The following NYNRIN variants were observed in gnomAD, a reference collection of about 807,000 sequenced individuals.
The protein encoded by NYNRIN is NYN domain and retroviral integrase containing, also known as protein NYNRIN.
NYNRIN carries 86 observed loss-of-function variants against 146.6 expected under a neutral mutation model. The ratio of observed to expected loss-of-function variants is 0.59; its 90% confidence interval spans 0.49 to 0.70. The LOEUF (loss-of-function observed/expected upper bound fraction) is 0.70, where lower values mean the gene tolerates loss of function less well. Among genes scored for constraint, NYNRIN ranks in the 30% least tolerant of loss-of-function variants. The pLI is 0.00. For synonymous variants in NYNRIN, 1,027 were observed against 1,001.3 expected, an observed-to-expected ratio of 1.03 and a Z score of -0.48; for missense variants, 2,191 against 2,377.7, an observed-to-expected ratio of 0.92 and a Z score of 1.63.
At chr14:24,399,717 C>A (rs193121274) in intron 2 of NYNRIN, among the ~76,000 whole-genome samples, 2 of 152,274 alleles carry the variant, frequency 1.3e-5, no homozygotes, top group East Asian at 3.9e-4. Flanking sequence ...AGCACCTCCT[C>A]GGTGTGTGTC....
chr14:24,403,867 A>T (rs2042860270), intron 2 of NYNRIN, among the ~76,000 whole-genome samples: 1 of 152,216 alleles, frequency 6.6e-6, no homozygotes, highest in Admixed American at 6.5e-5. Flanking sequence ...AGCTTGGCTG[A>T]TATTGAATTA....
At position 24,407,070 on chromosome 14, in the gene NYNRIN, G is replaced by A. The variant is rs535825902; in HGVS notation, c.199-799G>A. Reference sequence around the variant, plus strand: ...CTGGGCAACAGAGTTACTATGATTAGGGGTACAGGTTGTGCTAGAGGCATT... The same window carrying A: ...CTGGGCAACAGAGTTACTATGATTAAGGGTACAGGTTGTGCTAGAGGCATT... On this transcript the variant is annotated intron_variant, in intron 2 of 8. Transcript: ENST00000382554. Among the ~76,000 whole-genome samples, 4 of 152,300 alleles carry A rather than the reference G, an allele frequency of 2.6e-5. No homozygotes were observed. In the East Asian group the frequency reaches 7.7e-4, roughly 29 times the overall value.
At chr14:24,399,586 C>T (rs2042828049) in intron 2 of NYNRIN, 142 bp downstream of exon 2, 1 of 712,286 alleles carries the variant, frequency 1.4e-6, no homozygotes, top group South Asian at 1.9e-5. Flanking sequence ...GGTAGTGGGC[C>T]ATCCTCCTGC....
In NYNRIN at chr14:24,409,009, A is replaced by G. The variant is rs371375368; in HGVS notation, c.1215A>G (p.Pro405=). 87 of 1,613,510 alleles carry G rather than the reference A, an allele frequency of 5.4e-5. No individual in the cohort carries two copies. In the African/African-American group the frequency reaches 8.8e-4, roughly 16 times the overall value. Residue 405 remains proline (P), a synonymous_variant, in exon 4 of 9, where the codon CCA becomes CCG. Coordinates refer to ENST00000382554, the MANE Select transcript of NYNRIN (RefSeq NM_025081.3). ...RPLGPIQLKL[P]GQNPLPLNLE... is the part of the protein sequence containing the mutation. ...TGGGCCCCATTCAGTTGAAGCTGCCAGGGCAGAATCCTTTGCCCTTAAATC... is the reference window on the plus strand; with the variant it reads ...TGGGCCCCATTCAGTTGAAGCTGCCGGGGCAGAATCCTTTGCCCTTAAATC...
At position 24,405,024 on chromosome 14, in the gene NYNRIN, GTGTGAGAGAA is replaced by G. The variant is rs1347172077; in HGVS notation, c.199-2840_199-2831del. ...TGTGTGTGTGTGTGTGTGTGTGTGT[GTGTGAGAGAA>G]TGTGTGTGTGTGAATGTGTGTGAAT... On this transcript the variant is annotated intron_variant, in intron 2 of 8. Transcript: ENST00000382554. Among the ~76,000 whole-genome samples the G allele has an allele frequency of 1.9e-3, 10 of 5,190 alleles. No homozygotes were observed. The Admixed American group carries it at 0.022, about 11-fold the overall frequency. 3.4% of individuals were successfully genotyped at this position (5,190 alleles called of 152,430 possible).
Position 24,408,390 on chromosome 14 carries a change from T to C in NYNRIN, c.720T>C (p.Ser240=). ...CAGCCATGGTGTCCGTGGGAGAGAG[T>C]CCTGGACCCTTTGTGGACATGGGGA... The part of the protein sequence containing the change: ...EAPAMVSVGE[S]PGPFVDMGTL... Residue 240 remains serine, a synonymous_variant, in exon 3 of 9, where the codon AGT becomes AGC. Transcript: ENST00000382554. 1 of 1,613,304 alleles carries C rather than the reference T, an allele frequency of 6.2e-7. No homozygotes were observed. Among genetic ancestry groups the C allele is most frequent in the Non-Finnish European group, 8.5e-7 (1 of 1,179,730 alleles).
At chr14:24,401,905 T>C (rs1440183963) in intron 2 of NYNRIN, among the ~76,000 whole-genome samples, 2 of 152,172 alleles carry the variant, frequency 1.3e-5, no homozygotes, top group Admixed American at 6.6e-5. Context: ...GTGGTTCTCA[T>C]AGGGAGGCAG....
Position 24,417,456 on chromosome 14 carries a change from G to A in NYNRIN, c.*10G>A, listed in dbSNP as rs1218946007. ...GGTCTTGGAGCAGTGAGCGGGAGCA[G>A]CGGGGGTGCCCCCTGCCCCAGGGCC... On this transcript the variant is annotated 3_prime_UTR_variant, in exon 9 of 9. Coordinates refer to ENST00000382554, the MANE Select transcript of NYNRIN (RefSeq NM_025081.3). The A allele has an allele frequency of 2.7e-6, 4 of 1,460,622 alleles. No individual in the cohort carries two copies. The highest frequency in any genetic ancestry group is 2.5e-5 in the Admixed American group (1 of 39,566). 90.5% of individuals were successfully genotyped at this position (1,460,622 alleles called of 1,614,324 possible). A position where few individuals can be genotyped will look rare whatever the true frequency, so the allele number is the denominator to read the frequency against.
At chr14:24,399,751 G>A (rs1158455411) in intron 2 of NYNRIN, among the ~76,000 whole-genome samples, 1 of 152,002 alleles carries the variant, frequency 6.6e-6, no homozygotes, top group African/African-American at 2.4e-5. Flanking sequence ...CCCTGGCCAG[G>A]GCCCCAGCAT....
At chr14:24,400,785 C>CTT (rs376993405) in intron 2 of NYNRIN, among the ~76,000 whole-genome samples, 6 of 136,312 alleles carry the variant, frequency 4.4e-5, no homozygotes, top group Admixed American at 1.5e-4. Flanking sequence ...CTTTCTTTTT[C>CTT]TTTTTTTTTT....
chr14:24,411,050 T>A lies in NYNRIN; in HGVS notation c.2415-26T>A, dbSNP rs748488290. On this transcript the variant is annotated intron_variant, in intron 4 of 8. Coordinates refer to ENST00000382554, the MANE Select transcript of NYNRIN (RefSeq NM_025081.3). This position sits in a 1 kb window ranked among gnomAD's most constrained non-coding sequence, Gnocchi z 4.3. ...CTGAGGGAGGAGTGGTGAGGCAGGG[T>A]CTTTCCTTGTCCCACGACCCCACAG... is the stretch of plus-strand genomic sequence containing the variant. The A allele has an allele frequency of 6.2e-7, 1 of 1,612,456 alleles. No individual in the cohort carries two copies. Among genetic ancestry groups the A allele is most frequent in the Non-Finnish European group, 8.5e-7 (1 of 1,179,580 alleles).
At position 24,412,990 on chromosome 14, in the gene NYNRIN, C is replaced by G; in HGVS notation, c.2643-7C>G. 6.3e-7 allele frequency: 1 copy of G among 1,581,680 alleles called. No homozygotes were observed. The highest frequency in any genetic ancestry group is 8.6e-7 in the Non-Finnish European group (1 of 1,161,712). On this transcript the variant is annotated splice_polypyrimidine_tract_variant and splice_region_variant and intron_variant, in intron 6 of 8. Transcript: ENST00000382554. ...TGGGTCATTAGTGACTTCCCCTCTCCCTGCAGGTTCATGGTAAAGCTGGCA... is the reference window on the plus strand; with the variant it reads ...TGGGTCATTAGTGACTTCCCCTCTCGCTGCAGGTTCATGGTAAAGCTGGCA...
In NYNRIN at chr14:24,414,958, A is replaced by C; in HGVS notation, c.3209A>C (p.Asp1070Ala). Reference sequence around the variant, plus strand: ...TCTCCCTACCTGGGCATCCCCTGGGATGGAAAGGCTCCCTGCCAGCAGGTT... The same window carrying C: ...TCTCCCTACCTGGGCATCCCCTGGGCTGGAAAGGCTCCCTGCCAGCAGGTT... The part of the protein sequence containing the change: ...AASPYLGIPW[D>A]GKAPCQQVLA... The change falls in exon 9 of 9, where the codon GAT becomes GCT. Residue 1070 changes from aspartate to alanine, a missense_variant. By Grantham distance (126) the Asp-to-Ala change is moderately radical. Transcript: ENST00000382554. The C allele has an allele frequency of 6.3e-7, 1 of 1,595,524 alleles. No homozygotes were observed. Among genetic ancestry groups the C allele is most frequent in the Non-Finnish European group, 8.6e-7 (1 of 1,166,684 alleles).
intron 8 of NYNRIN, among the ~76,000 whole-genome samples, chr14:24,414,255 C>A (rs4982910): frequency 0.13 from 19,516 of 152,246 alleles, 1,351 homozygotes; most frequent in Middle Eastern, 0.16. Context: ...CACTGCCCCC[C>A]CTTTTCCAGG....
Position 24,408,943 on chromosome 14 carries a change from G to A in NYNRIN, c.1149G>A (p.Leu383=), listed in dbSNP as rs1373691264. ...ATTCTCTACATCTGGCCTGGCTCCT[G>A]TCCCAGGCGTGCTTCAATTTCCCCT... ...ELHSLHLAWL[L]SQACFNFPFW... is the part of the protein sequence containing the mutation. The change falls in exon 4 of 9, where the codon CTG becomes CTA. Residue 383 remains leucine, a synonymous_variant. Transcript: ENST00000382554. 6.2e-7 allele frequency: 1 copy of A among 1,613,848 alleles called. No homozygotes were observed. The highest frequency in any genetic ancestry group is 8.5e-7 in the Non-Finnish European group (1 of 1,179,886).
Position 24,416,092 on chromosome 14 carries a change from G to T in NYNRIN, c.4343G>T (p.Gly1448Val). 1 of 1,613,994 alleles carries T rather than the reference G, an allele frequency of 6.2e-7. No homozygotes were observed. The highest frequency in any genetic ancestry group is 8.5e-7 in the Non-Finnish European group (1 of 1,179,878). ...AVTVDTLAKQGAQGGGQWWSL... is the reference protein window; with the variant it reads ...AVTVDTLAKQVAQGGGQWWSL... ...ACAGTGGACACCCTGGCCAAGCAGG[G>T]TGCCCAGGGGGGTGGGCAGTGGTGG... The change falls in exon 9 of 9, where the codon GGT (glycine) becomes GTT (valine). Residue 1448 changes from glycine to valine, a missense_variant. By Grantham distance (109) the Gly-to-Val change is moderately radical. Coordinates refer to ENST00000382554, the MANE Select transcript of NYNRIN (RefSeq NM_025081.3).
rs986470263 is a variant in NYNRIN at position 24,411,338 on chromosome 14, T to C, written c.2546-16T>C. ...CCCTCCCTTGACCATTTCTGTCTTC[T>C]GCCTTTCACCCCCAGAGAGCCACTT... On this transcript the variant is annotated splice_polypyrimidine_tract_variant and intron_variant, in intron 5 of 8. Transcript: ENST00000382554. This position sits in a 1 kb window ranked among gnomAD's most constrained non-coding sequence, Gnocchi z 4.3. 3.1e-6 allele frequency: 5 copies of C among 1,613,754 alleles called. No individual in the cohort carries two copies. The African/African-American group carries it at 6.7e-5, about 22-fold the overall frequency.
chr14:24,411,881 T>C lies in NYNRIN; in HGVS notation c.2642+431T>C, dbSNP rs2042915118. Among the ~76,000 whole-genome samples, 1 of 152,160 alleles carries C rather than the reference T, an allele frequency of 6.6e-6. No homozygotes were observed. Among genetic ancestry groups the C allele is most frequent in the East Asian group, 1.9e-4 (1 of 5,178 alleles). ...ATGTGGATGGAGCCCTGGGCAGGGC[T>C]CTGGAAAAGGAGAGCCCTGAATGCC... is the stretch of plus-strand genomic sequence containing the variant. On this transcript the variant is annotated intron_variant, in intron 6 of 8. Coordinates refer to ENST00000382554, the MANE Select transcript of NYNRIN (RefSeq NM_025081.3). The surrounding 1 kb of genome is among the most constrained non-coding windows in gnomAD (Gnocchi z 4.3).
At chr14:24,402,375 G>C (rs913657117) in intron 2 of NYNRIN, among the ~76,000 whole-genome samples, 3 of 152,242 alleles carry the variant, frequency 2.0e-5, no homozygotes, top group African/African-American at 7.2e-5. Context: ...GGTGAGGATG[G>C]GGTGGGCGGC....
Sources: gnomAD v4.1 joint callset for allele counts (sites outside exome capture counted in the v4.1 genomes callset) on GRCh38, gnomAD v4.1.1 for gene constraint, Gnocchi (gnomAD v3.1) non-coding constraint, MANE v1.5 for transcripts, NCBI Gene and HGNC (gene_info 2026-07-23, HGNC 2026-07-21) for gene names.